SH3KBP1: variants seen among roughly 807,000 people sequenced by gnomAD.
SH3KBP1 encodes SH3 domain containing kinase binding protein 1.
A neutral mutation model predicts 50.1 loss-of-function variants in SH3KBP1; 8 were observed. The observed-to-expected ratio is 0.16, with a 90% CI of 0.09 to 0.29. SH3KBP1 has a LOEUF of 0.29. Ranked by LOEUF, SH3KBP1 falls within the 10% of genes least tolerant of loss-of-function variation. The pLI, the probability that SH3KBP1 is intolerant of heterozygous loss-of-function variation, is 1.00. For missense variants in SH3KBP1, 377 were observed against 535.2 expected, an observed-to-expected ratio of 0.70 and a Z score of 2.92; for synonymous variants, 227 against 218.6, an observed-to-expected ratio of 1.04 and a Z score of -0.34.
At chrX:19,561,072 T>TCAA (rs1290285582) in intron 13 of SH3KBP1, among the ~76,000 whole-genome samples, 5 of 48,106 alleles carry the variant, frequency 1.0e-4, no homozygotes, top group African/African-American at 2.1e-4. Flanking sequence ...AGACCCTGTC[T>TCAA]AAAAAAAAAA....
At chrX:19,711,951 A>C (rs779306758) in intron 3 of SH3KBP1, among the ~76,000 whole-genome samples, 1 of 111,684 alleles carries the variant, frequency 9.0e-6, no homozygotes, top group East Asian at 2.8e-4. Flanking sequence ...ATTTAAAGCT[A>C]TCTCTTGAGT....
At chrX:19,786,437 A>C (rs2066350317) in intron 2 of SH3KBP1, among the ~76,000 whole-genome samples, 2 of 112,032 alleles carry the variant, frequency 1.8e-5, no homozygotes, top group South Asian at 7.4e-4. Flanking sequence ...TGTGGCGGCC[A>C]ACAAAAGTGA....
chrX:19,542,171 A>G lies in SH3KBP1; in HGVS notation c.1646T>C (p.Leu549Pro), dbSNP rs1395346552. The G allele has an allele frequency of 2.5e-6, 3 of 1,184,287 alleles. No homozygotes were observed. Among genetic ancestry groups the G allele is most frequent in the Admixed American group, 4.7e-5 (2 of 42,771 alleles). The change falls in exon 16 of 18, where the codon CTG (leucine) becomes CCG (proline). Residue 549 changes from leucine (L) to proline (P), a missense_variant. By Grantham distance (98) the Leu-to-Pro change is moderately conservative. Transcript: ENST00000397821. ...TGCCATGGTCCCCGGCTTGGGCGGC[A>G]GGGATGCTTTGTTGTCAGACACCTG... ...ISQVSDNKAS[L>P]PPKPGTMAAG...
chrX:19,653,166 T>C (rs1013591329), intron 6 of SH3KBP1, among the ~76,000 whole-genome samples: 4 of 111,114 alleles, frequency 3.6e-5, no homozygotes, highest in Non-Finnish European at 7.6e-5. Context: ...ATTTTATTTT[T>C]CAGTAGAGAC....
rs1202265607 is a variant in SH3KBP1, at chrX:19,670,778, G to A, written c.726+13045C>T. On this transcript the variant is annotated intron_variant, in intron 6 of 17. Transcript: ENST00000397821. Reference sequence around the variant, plus strand: ...TAATGCAAACCCATTACCCAGTCTTGCTACAAAATGTTATATACAGATAAG... The same window carrying A: ...TAATGCAAACCCATTACCCAGTCTTACTACAAAATGTTATATACAGATAAG... 8 of 963,462 alleles carry A rather than the reference G, an allele frequency of 8.3e-6. No individual in the cohort carries two copies. In the African/African-American group the frequency reaches 1.2e-4, roughly 14 times the overall value. 79.4% of individuals were successfully genotyped at this position (963,462 alleles called of 1,213,427 possible).
chrX:19,599,770 C>T (rs2067019833), intron 9 of SH3KBP1, among the ~76,000 whole-genome samples: 1 of 111,589 alleles, frequency 9.0e-6, no homozygotes, highest in South Asian at 3.7e-4. Context: ...AAAATCAGGA[C>T]CAGGGTTCTA....
chrX:19,827,142 G>A (rs2067707318), intron 2 of SH3KBP1, among the ~76,000 whole-genome samples: 1 of 111,856 alleles, frequency 8.9e-6, no homozygotes, highest in Non-Finnish European at 1.9e-5. Flanking sequence ...CCTAGCAAAT[G>A]AAAGCTGAGG....
In SH3KBP1 at chrX:19,550,060, C is replaced by T. The variant is rs2065195150; in HGVS notation, c.1408G>A (p.Val470Ile). Residue 470 changes from valine (V) to isoleucine (I), a missense_variant, in exon 14 of 18, where the codon GTA becomes ATA. Around this residue, in one of 3 missense-constraint regions of SH3KBP1, gnomAD observed 257 missense variants for 374.2 expected, o/e 0.69. Transcript: ENST00000397821. ...DIDLEGFDSVVSSTEKLSHPT... is the reference protein window; with the variant it reads ...DIDLEGFDSVISSTEKLSHPT... Reference sequence around the variant, plus strand: ...TGACTGAGTTTCTCAGTAGATGATACCACGGAGTCAAAACCTTCTAAGTCT... The same window carrying T: ...TGACTGAGTTTCTCAGTAGATGATATCACGGAGTCAAAACCTTCTAAGTCT... The T allele has an allele frequency of 8.3e-7, 1 of 1,206,748 alleles. No individual in the cohort carries two copies. Among genetic ancestry groups the T allele is most frequent in the Non-Finnish European group, 1.1e-6 (1 of 892,362 alleles).
chrX:19,777,613 A>C (rs2066018407), intron 2 of SH3KBP1, among the ~76,000 whole-genome samples: 1 of 111,243 alleles, frequency 9.0e-6, no homozygotes, highest in African/African-American at 3.3e-5. Flanking sequence ...ACAGGCACAC[A>C]CCACTGCTAG....
intron 13 of SH3KBP1, among the ~76,000 whole-genome samples, chrX:19,557,821 A>G (rs1205141215): frequency 8.9e-6 from 1 of 112,157 alleles, no homozygotes; most frequent in Non-Finnish European, 1.9e-5. Flanking sequence ...ACATGGAGCT[A>G]AGAACCCACT....
Position 19,608,718 on chromosome X carries a change from A to C in SH3KBP1, c.898-673T>G, listed in dbSNP as rs1244419176. ...ATGGCTTAGAAAATATCACATGCAC[A>C]AATGTGATTAGCCTGTCACAAAGCT... On this transcript the variant is annotated intron_variant, in intron 8 of 17. Transcript: ENST00000397821. 2.7e-5 allele frequency among the ~76,000 whole-genome samples: 3 copies of C among 112,497 alleles called. No homozygotes were observed. The East Asian group carries it at 8.3e-4, about 31-fold the overall frequency.
chrX:19,873,285 T>TAC (rs1241566732), intron 1 of SH3KBP1, among the ~76,000 whole-genome samples: 5 of 87,742 alleles, frequency 5.7e-5, no homozygotes, highest in African/African-American at 2.8e-4. Context: ...TATATATATA[T>TAC]ATATGTATAT....
intron 6 of SH3KBP1, among the ~76,000 whole-genome samples, chrX:19,674,610 C>T (rs1159909751): frequency 8.9e-6 from 1 of 112,318 alleles, no homozygotes; most frequent in African/African-American, 3.2e-5. Flanking sequence ...GGCCAACTAT[C>T]ATTTGACAAC....
At chrX:19,620,246 G>C (rs6654067) in intron 8 of SH3KBP1, among the ~76,000 whole-genome samples, 6,394 of 111,791 alleles carry the variant, frequency 0.057, 470 homozygotes, top group African/African-American at 0.2. Flanking sequence ...CTTTAAAAAA[G>C]GAGAAGGTGG....
intron 6 of SH3KBP1, among the ~76,000 whole-genome samples, chrX:19,671,574 A>C (rs755372547): frequency 8.9e-6 from 1 of 111,948 alleles, no homozygotes; most frequent in South Asian, 3.7e-4. Context: ...TTTAATCACC[A>C]CTTCAATGAA....
At chrX:19,777,994 C>T (rs1446376384) in intron 2 of SH3KBP1, among the ~76,000 whole-genome samples, 1 of 111,172 alleles carries the variant, frequency 9.0e-6, no homozygotes, top group African/African-American at 3.3e-5. Flanking sequence ...GAGCAGCTGG[C>T]TGGATCCCAC....
intron 7 of SH3KBP1, among the ~76,000 whole-genome samples, chrX:19,642,428 A>T (rs1170139196): frequency 8.9e-6 from 1 of 112,076 alleles, no homozygotes; most frequent in Non-Finnish European, 1.9e-5. Flanking sequence ...CCAGTTAGGA[A>T]GTGAGATGAG....
At chrX:19,874,068 A>AAAAAAATATAT (rs1491537486) in intron 1 of SH3KBP1, among the ~76,000 whole-genome samples, 6 of 57,033 alleles carry the variant, frequency 1.1e-4, no homozygotes, top group African/African-American at 9.5e-4. Context: ...AAAAAAAAAA[A>AAAAAAATATAT]ATATATATAT....
chrX:19,771,459 G>A (rs1371265676), intron 2 of SH3KBP1, among the ~76,000 whole-genome samples: 1 of 111,508 alleles, frequency 9.0e-6, no homozygotes, highest in African/African-American at 3.3e-5. Context: ...CAATGGTGGT[G>A]CAGCTCTGCT....
Sources: gnomAD v4.1 joint callset for allele counts (sites outside exome capture counted in the v4.1 genomes callset) on GRCh38, gnomAD v4.1.1 for gene constraint, gnomAD v4.1.1 regional missense constraint, MANE v1.5 for transcripts, NCBI Gene and HGNC (gene_info 2026-07-23, HGNC 2026-07-21) for gene names.